Variants in NUDT21 observed in about 807,000 individuals in gnomAD.
NUDT21 encodes nudix hydrolase 21.
A neutral mutation model predicts 29.8 loss-of-function variants in NUDT21; 5 were observed. That is an observed-to-expected ratio of 0.17 (90% confidence interval 0.09 to 0.35). NUDT21 has a LOEUF of 0.35. NUDT21 is among the 10% of genes least tolerant of loss of function. The pLI, the probability that NUDT21 is intolerant of heterozygous loss-of-function variation, is 1.00. For missense variants in NUDT21, 76 were observed against 276.0 expected (o/e 0.28, Z 5.13); for synonymous variants, 113 against 98.5 (o/e 1.15, Z -0.87).
chr16:56,435,811 C>G (rs1962098501), intron 4 of NUDT21, among the ~76,000 whole-genome samples: 1 of 93,740 alleles, frequency 1.1e-5, no homozygotes, highest in South Asian at 4.0e-4. Flanking sequence ...AGTCTAGAAT[C>G]CTGTTGTAGA....
chr16:56,439,530 A>G, intron 4 of NUDT21, 127 bp downstream of exon 4: 1 of 726,362 alleles, frequency 1.4e-6, no homozygotes, highest in Admixed American at 2.2e-5. Flanking sequence ...TTAATTTTGT[A>G]ATTTAAATTA....
rs1191370000 is a variant in NUDT21, at chr16:56,430,134, A to G, written c.*2578T>C. 5 of 152,224 alleles carry G rather than the reference A, an allele frequency of 3.3e-5. No individual in the cohort carries two copies. The highest frequency in any genetic ancestry group is 7.3e-5 in the Non-Finnish European group (5 of 68,036). 9.4% of individuals were successfully genotyped at this position (152,224 alleles called of 1,614,324 possible). On this transcript the variant is annotated 3_prime_UTR_variant, in exon 7 of 7. Coordinates refer to ENST00000300291, the MANE Select transcript of NUDT21 (RefSeq NM_007006.3). Reference sequence around the variant, plus strand: ...ATTTATAAGACAATAAAAAGTTTTAAAATCTTCCAAATGTGCTGTTAACAG... The same window carrying G: ...ATTTATAAGACAATAAAAAGTTTTAGAATCTTCCAAATGTGCTGTTAACAG...
At position 56,431,603 on chromosome 16, in the gene NUDT21, T is replaced by C. The variant is rs147163669; in HGVS notation, c.*1109A>G. The C allele has an allele frequency of 8.1e-4, 123 of 152,304 alleles. No individual in the cohort carries two copies. Among genetic ancestry groups the C allele is most frequent in the African/African-American group, 2.9e-3 (119 of 41,552 alleles). The allele number at this position is 152,304 out of a possible 1,614,324, so 9.4% of individuals were successfully genotyped here. ...AAGATTCCTTTTTACATTAAGCCTA[T>C]AGTCAACAAGTCTGTAATAAGGCAT... On this transcript the variant is annotated 3_prime_UTR_variant, in exon 7 of 7. Transcript: ENST00000300291.
rs1962027727 is a variant in NUDT21 at position 56,430,991 on chromosome 16, A to AT, written c.*1720_*1721insA. On this transcript the variant is annotated 3_prime_UTR_variant, in exon 7 of 7. Coordinates refer to ENST00000300291, the MANE Select transcript of NUDT21 (RefSeq NM_007006.3). ...TTCAACTCAAACACTCCTTACTGAGAGTACTTTATAAAACACACAACAAAA... is the reference window on the plus strand; with the variant it reads ...TTCAACTCAAACACTCCTTACTGAGATGTACTTTATAAAACACACAACAAAA... The AT allele has an allele frequency of 6.6e-6, 1 of 152,234 alleles. No homozygotes were observed. Among genetic ancestry groups the AT allele is most frequent in the Non-Finnish European group, 1.5e-5 (1 of 68,036 alleles). The allele number at this position is 152,234 out of a possible 1,614,324, so 9.4% of individuals were successfully genotyped here. A position where few individuals can be genotyped will look rare whatever the true frequency, so the allele number is the denominator to read the frequency against.
rs544649342 is a variant in NUDT21 at position 56,430,775 on chromosome 16, T to C, written c.*1937A>G. On this transcript the variant is annotated 3_prime_UTR_variant, in exon 7 of 7. Coordinates refer to ENST00000300291, the MANE Select transcript of NUDT21 (RefSeq NM_007006.3). ...TGCAACTTTTACATTCAAAACCAGA[T>C]CTCTTACATTTCAAGGTTAGTAACC... The C allele has an allele frequency of 6.6e-6, 1 of 152,338 alleles. No homozygotes were observed. The highest frequency in any genetic ancestry group is 2.4e-5 in the African/African-American group (1 of 41,574). The allele number at this position is 152,338 out of a possible 1,614,324, so 9.4% of individuals were successfully genotyped here. A position where few individuals can be genotyped will look rare whatever the true frequency, so the allele number is the denominator to read the frequency against.
At chr16:56,433,843 C>A (rs564829630) in intron 6 of NUDT21, among the ~76,000 whole-genome samples, 1 of 152,196 alleles carries the variant, frequency 6.6e-6, no homozygotes, top group South Asian at 2.1e-4. Flanking sequence ...CTGGCCACCA[C>A]GCCTCACTAA....
chr16:56,429,999 C>T lies in NUDT21; in HGVS notation c.*2713G>A, dbSNP rs1962015752. On this transcript the variant is annotated 3_prime_UTR_variant, in exon 7 of 7. Transcript: ENST00000300291. ...GAATTTGAAGTACTTCTACCTCTCA[C>T]TTCTAATTAAACATGGAAGAAAACA... 2 of 152,124 alleles carry T rather than the reference C, an allele frequency of 1.3e-5. No individual in the cohort carries two copies. Among genetic ancestry groups the T allele is most frequent in the South Asian group, 4.1e-4 (2 of 4,836 alleles). 9.4% of individuals were successfully genotyped at this position (152,124 alleles called of 1,614,324 possible).
intron 1 of NUDT21, 21 bp from the exon 2 acceptor site, chr16:56,448,010 T>C (rs1212980090): frequency 6.3e-7 from 1 of 1,597,438 alleles, no homozygotes; most frequent in African/African-American, 1.3e-5. Flanking sequence ...AAGACAAACA[T>C]CTAACATGAG....
chr16:56,445,868 A>T (rs1962212499), intron 3 of NUDT21, among the ~76,000 whole-genome samples: 1 of 152,216 alleles, frequency 6.6e-6, no homozygotes. Flanking sequence ...AATGTTTAAG[A>T]GTTATAATAC....
At chr16:56,443,785 A>C (rs1962185422) in intron 3 of NUDT21, among the ~76,000 whole-genome samples, 1 of 152,182 alleles carries the variant, frequency 6.6e-6, no homozygotes, top group Non-Finnish European at 1.5e-5. Context: ...CATGAGTGGA[A>C]GCACCATGAA....
At position 56,432,585 on chromosome 16, in the gene NUDT21, G is replaced by T; in HGVS notation, c.*127C>A. 1.7e-6 allele frequency: 1 copy of T among 573,996 alleles called. No homozygotes were observed. The highest frequency in any genetic ancestry group is 3.0e-6 in the Non-Finnish European group (1 of 328,912). 35.6% of individuals were successfully genotyped at this position (573,996 alleles called of 1,614,324 possible). ...AATTTTACTATTCAAACAATAGAAA[G>T]GTGGCAATTTAGGGATCGCAAAAGA... On this transcript the variant is annotated 3_prime_UTR_variant, in exon 7 of 7. Coordinates refer to ENST00000300291, the MANE Select transcript of NUDT21 (RefSeq NM_007006.3).
intron 1 of NUDT21, 120 bp from the exon 2 acceptor site, chr16:56,448,109 T>C: frequency 1.3e-6 from 1 of 775,010 alleles, no homozygotes; most frequent in African/African-American, 1.7e-5. Flanking sequence ...AGACACAGGA[T>C]TTGTACAGTT....
intron 4 of NUDT21, 61 bp downstream of exon 4, chr16:56,439,595 TG>T (rs1962138908): frequency 1.9e-6 from 2 of 1,028,530 alleles, no homozygotes; most frequent in Non-Finnish European, 3.0e-6. Context: ...TTTTTTAAAG[TG>T]GCTAGAATTA....
intron 1 of NUDT21, among the ~76,000 whole-genome samples, chr16:56,448,678 G>A (rs1276470019): frequency 6.6e-6 from 1 of 152,008 alleles, no homozygotes; most frequent in Non-Finnish European, 1.5e-5. Flanking sequence ...TTTAAAATAT[G>A]GCTCAAACTG....
At chr16:56,444,616 A>G (rs1962197021) in intron 3 of NUDT21, among the ~76,000 whole-genome samples, 1 of 149,516 alleles carries the variant, frequency 6.7e-6, no homozygotes, top group South Asian at 2.2e-4. Context: ...AAAAAAAACA[A>G]AAACAAAAAA....
At chr16:56,449,405 A>G (rs1962253465) in intron 1 of NUDT21, 1 of 152,232 alleles carries the variant, frequency 6.6e-6, no homozygotes, top group African/African-American at 2.4e-5. Context: ...GGTACAAAGT[A>G]GGCATTCATG....
At position 56,434,387 on chromosome 16, in the gene NUDT21, A is replaced by G. The variant is rs764672881; in HGVS notation, c.606T>C (p.Tyr202=). 4 of 1,613,784 alleles carry G rather than the reference A, an allele frequency of 2.5e-6. No individual in the cohort carries two copies. The highest frequency in any genetic ancestry group is 1.7e-5 in the Admixed American group (1 of 60,002). ...KLVAAPLFEL[Y]DNAPGYGPII... ...TGGGTCCATATCCTGGTGCATTGTC[A>G]TACAATTCAAACAATGGTGCAGCTA... Residue 202 remains tyrosine (Y), a synonymous_variant, in exon 6 of 7, where the codon TAT becomes TAC. Transcript: ENST00000300291.
chr16:56,438,067 G>C (rs1439120101), intron 4 of NUDT21, among the ~76,000 whole-genome samples: 1 of 152,170 alleles, frequency 6.6e-6, no homozygotes, highest in Non-Finnish European at 1.5e-5. Flanking sequence ...TATACCAATT[G>C]TGATAGACTG....
At chr16:56,435,745 AT>A (rs1962093242) in intron 4 of NUDT21, among the ~76,000 whole-genome samples, 1 of 47,344 alleles carries the variant, frequency 2.1e-5, no homozygotes, top group African/African-American at 9.7e-5. Context: ...AAAAAAAATT[AT>A]ATATATATAT....
Sources: gnomAD v4.1 joint callset for allele counts (sites outside exome capture counted in the v4.1 genomes callset) on GRCh38, gnomAD v4.1.1 for gene constraint, MANE v1.5 for transcripts, NCBI Gene and HGNC (gene_info 2026-07-23, HGNC 2026-07-21) for gene names.